Variants in REDIC1 observed in about 807,000 individuals in gnomAD.
REDIC1 encodes HEI10 Interacting Protein 1.
At chr12:39,766,295 G>A in the REDIC1 span, among the ~76,000 whole-genome samples, 7 of 152,032 alleles carry the variant, frequency 4.6e-5, no homozygotes, top group Non-Finnish European at 1.0e-4. Flanking sequence ...TGGGTCACAC[G>A]GATTTTTTGG....
the REDIC1 span, among the ~76,000 whole-genome samples, chr12:39,711,066 C>A: frequency 6.6e-6 from 1 of 151,348 alleles, no homozygotes; most frequent in Non-Finnish European, 1.5e-5. Context: ...CCCCCAAGTT[C>A]CCAAAGTCCA....
At chr12:39,882,647 G>T in the REDIC1 span, among the ~76,000 whole-genome samples, 47 of 152,124 alleles carry the variant, frequency 3.1e-4, no homozygotes, top group Middle Eastern at 3.4e-3. Context: ...CACCAAGAAA[G>T]CGTGAGCAAT....
the REDIC1 span, among the ~76,000 whole-genome samples, chr12:39,665,714 G>A: frequency 1.3e-5 from 2 of 150,800 alleles, no homozygotes. Flanking sequence ...AGCATGGAAT[G>A]TTCTTCCATT....
chr12:39,752,436 T>C, the REDIC1 span, among the ~76,000 whole-genome samples: 3 of 152,232 alleles, frequency 2.0e-5, no homozygotes, highest in African/African-American at 2.4e-5. Flanking sequence ...ACCTCCTAGG[T>C]CTATGGAAAA....
At chr12:39,852,686 A>G in the REDIC1 span, among the ~76,000 whole-genome samples, 3 of 152,204 alleles carry the variant, frequency 2.0e-5, no homozygotes, top group African/African-American at 7.2e-5. Flanking sequence ...CGCTCAAGGA[A>G]CAAAAGGATC....
chr12:39,658,001 G>A, the REDIC1 span, among the ~76,000 whole-genome samples: 3 of 151,704 alleles, frequency 2.0e-5, no homozygotes, highest in Non-Finnish European at 1.5e-5. Flanking sequence ...GCATTTTAGG[G>A]CTATAAATTC....
chr12:39,833,010 T>C, the REDIC1 span, among the ~76,000 whole-genome samples: 4 of 152,086 alleles, frequency 2.6e-5, no homozygotes, highest in African/African-American at 9.7e-5. Flanking sequence ...TCTTAAAGTT[T>C]CTTAGCCCCC....
chr12:39,650,234 T>G, the REDIC1 span: 6 of 1,555,920 alleles, frequency 3.9e-6, no homozygotes, highest in Non-Finnish European at 5.2e-6. This position sits in a 1 kb window ranked among gnomAD's most constrained non-coding sequence, Gnocchi z 4.3. Context: ...AATTTTTTTT[T>G]TCAGCGCAGT....
At chr12:39,635,786 G>A in the REDIC1 span, among the ~76,000 whole-genome samples, 1 of 151,944 alleles carries the variant, frequency 6.6e-6, no homozygotes, top group African/African-American at 2.4e-5. Flanking sequence ...AGAACTTAAA[G>A]TATTAAAAAA....
the REDIC1 span, among the ~76,000 whole-genome samples, chr12:39,669,492 C>T: frequency 8.5e-5 from 13 of 152,334 alleles, no homozygotes; most frequent in African/African-American, 2.4e-4. Context: ...TTAGGCTACT[C>T]GGGCGTCAGG....
chr12:39,717,852 G>A, the REDIC1 span, among the ~76,000 whole-genome samples: 111 of 152,146 alleles, frequency 7.3e-4, 1 homozygote, highest in African/African-American at 2.6e-3. Flanking sequence ...CTTGTTGTCT[G>A]TAACTGGTTG....
At chr12:39,844,272 G>T in the REDIC1 span, among the ~76,000 whole-genome samples, 19 of 152,016 alleles carry the variant, frequency 1.2e-4, no homozygotes. Context: ...TCAAGGCATA[G>T]GGTAGATAGA....
chr12:39,856,907 G>T, the REDIC1 span, among the ~76,000 whole-genome samples: 5 of 152,156 alleles, frequency 3.3e-5, no homozygotes, highest in Admixed American at 6.5e-5. Flanking sequence ...TATATTTTCT[G>T]TAAGGTTTTC....
At chr12:39,834,896 G>C in the REDIC1 span, among the ~76,000 whole-genome samples, 1 of 152,046 alleles carries the variant, frequency 6.6e-6, no homozygotes, top group East Asian at 1.9e-4. Context: ...TCTGCTAATT[G>C]ACCTTTTACA....
the REDIC1 span, among the ~76,000 whole-genome samples, chr12:39,801,435 T>C: frequency 1.3e-5 from 2 of 149,440 alleles, no homozygotes; most frequent in Non-Finnish European, 3.0e-5. Context: ...CAAAAGAGAG[T>C]TTTCCCAGAG....
the REDIC1 span, chr12:39,759,908 A>T: frequency 1.4e-6 from 1 of 692,406 alleles, no homozygotes; most frequent in Non-Finnish European, 2.4e-6. Flanking sequence ...TAGAATATGA[A>T]GTCAATCAAA....
chr12:39,693,688 C>T, the REDIC1 span, among the ~76,000 whole-genome samples: 1 of 152,046 alleles, frequency 6.6e-6, no homozygotes, highest in East Asian at 1.9e-4. Context: ...TTTTTTCAGT[C>T]AATGCCCTAT....
the REDIC1 span, among the ~76,000 whole-genome samples, chr12:39,862,968 C>T: frequency 3.3e-5 from 5 of 152,074 alleles, no homozygotes; most frequent in East Asian, 1.9e-4. Flanking sequence ...ACCCAGTAAG[C>T]GGACTGCAGC....
At chr12:39,692,065 G>C in the REDIC1 span, 1 of 1,578,512 alleles carries the variant, frequency 6.3e-7, no homozygotes, top group Non-Finnish European at 8.6e-7. Flanking sequence ...ATGGAAGAAG[G>C]AGGAATATAT....
Sources: allele counts gnomAD v4.1 joint callset (sites outside exome capture counted in the v4.1 genomes callset), GRCh38; gene constraint gnomAD v4.1.1; non-coding constraint Gnocchi (gnomAD v3.1); transcripts MANE v1.5; gene names NCBI Gene and HGNC (gene_info 2026-07-23, HGNC 2026-07-21).